LAMA2: variants seen among roughly 807,000 people sequenced by gnomAD.
The protein encoded by LAMA2 is laminin subunit alpha 2, also known as laminin subunit alpha-2.
LAMA2 carries 269 observed loss-of-function variants against 364.8 expected under a neutral mutation model. The observed-to-expected ratio is 0.74, with a 90% CI of 0.67 to 0.82. The LOEUF (loss-of-function observed/expected upper bound fraction) is 0.82. LAMA2 is among the 40% of genes least tolerant of loss of function. The pLI, the probability that LAMA2 is intolerant of heterozygous loss-of-function variation, is 0.00. For synonymous variants in LAMA2, 1,379 were observed against 1,370.6 expected (o/e 1.01, Z -0.14); for missense variants, 3,807 against 3,873.2 (o/e 0.98, Z 0.45).
chr6:129,157,830 T>G, intron 8 of LAMA2: 2 of 1,613,866 alleles, frequency 1.2e-6, no homozygotes, highest in Middle Eastern at 1.7e-4. Flanking sequence ...GCCGAAGCTG[T>G]AGATATCAGC....
chr6:129,435,468 A>C (rs923328665), intron 41 of LAMA2, among the ~76,000 whole-genome samples: 1 of 152,186 alleles, frequency 6.6e-6, no homozygotes. Flanking sequence ...AGAAAGATGA[A>C]TTGTGATTGA....
intron 1 of LAMA2, among the ~76,000 whole-genome samples, chr6:128,934,130 C>T (rs376060378): frequency 1.3e-5 from 2 of 152,192 alleles, no homozygotes; most frequent in Non-Finnish European, 2.9e-5. Context: ...ATAAGATAAA[C>T]ATCCAAAATC....
chr6:128,914,645 A>AC (rs1394862580), intron 1 of LAMA2, among the ~76,000 whole-genome samples: 1 of 152,154 alleles, frequency 6.6e-6, no homozygotes, highest in Non-Finnish European at 1.5e-5. Flanking sequence ...CCTATAGATA[A>AC]CAAAGACAGC....
intron 31 of LAMA2, 152 bp from the exon 32 acceptor site, chr6:129,353,012 A>C (rs1776939871): frequency 1.4e-5 from 8 of 564,536 alleles, no homozygotes; most frequent in Non-Finnish European, 2.2e-5. Flanking sequence ...TGCAAAGCCT[A>C]CTGTTTACTA....
At chr6:129,121,181 T>C (rs1776784861) in intron 4 of LAMA2, among the ~76,000 whole-genome samples, 1 of 152,156 alleles carries the variant, frequency 6.6e-6, no homozygotes, top group Admixed American at 6.6e-5. Context: ...TCAGAAATAA[T>C]TATTTGCAGG....
At chr6:129,045,756 G>T (rs7738171) in intron 1 of LAMA2, among the ~76,000 whole-genome samples, 9 of 152,036 alleles carry the variant, frequency 5.9e-5, no homozygotes, top group African/African-American at 1.7e-4. Context: ...CTTTATCCCT[G>T]GTCTCTTTTC....
At chr6:129,193,488 C>T (rs1290461330) in intron 12 of LAMA2, among the ~76,000 whole-genome samples, 4 of 152,130 alleles carry the variant, frequency 2.6e-5, no homozygotes, top group Non-Finnish European at 5.9e-5. Context: ...GAAATACAGG[C>T]TTATTTTTTT....
chr6:128,948,293 CT>C (rs1780603909), intron 1 of LAMA2, among the ~76,000 whole-genome samples: 1 of 152,134 alleles, frequency 6.6e-6, no homozygotes, highest in Non-Finnish European at 1.5e-5. Flanking sequence ...TATAGGAATA[CT>C]AATTTCTCCC....
intron 1 of LAMA2, among the ~76,000 whole-genome samples, chr6:128,993,007 A>G (rs1006041321): frequency 2.0e-5 from 3 of 152,216 alleles, no homozygotes; most frequent in East Asian, 1.9e-4. Context: ...TTGGGCTATT[A>G]TATGCCAGAC....
intron 32 of LAMA2, among the ~76,000 whole-genome samples, chr6:129,353,628 T>C (rs1347934579): frequency 1.3e-5 from 2 of 152,154 alleles, no homozygotes; most frequent in Non-Finnish European, 2.9e-5. Flanking sequence ...GGAGGCATTT[T>C]ATTTGATTTG....
At position 129,516,331 on chromosome 6, in the gene LAMA2, CATGCCCAGCCAACTAATAAAAAT is replaced by C. The variant is rs1787076379; in HGVS notation, c.9355_*8del. On this transcript the variant is annotated stop_lost and 3_prime_UTR_variant, in exon 65 of 65. Transcript: ENST00000421865. Reference sequence around the variant, plus strand: ...GAACTGAGGGGCGTTCAACCTGTATCATGCCCAGCCAACTAATAAAAATAAGTGTAACCCCAGGAAGAGTCTGT... The same window carrying C: ...GAACTGAGGGGCGTTCAACCTGTATCAAGTGTAACCCCAGGAAGAGTCTGT... The C allele has an allele frequency of 2.5e-6, 4 of 1,614,048 alleles. No individual in the cohort carries two copies. The African/African-American group carries it at 5.3e-5, about 22-fold the overall frequency.
At position 129,503,240 on chromosome 6, in the gene LAMA2, C is replaced by T; in HGVS notation, c.8507C>T (p.Thr2836Ile). The T allele has an allele frequency of 1.2e-6, 2 of 1,614,070 alleles. No individual in the cohort carries two copies. The highest frequency in any genetic ancestry group is 1.7e-6 in the Non-Finnish European group (2 of 1,179,998). The change falls in exon 60 of 65, where the codon ACC becomes ATC. Residue 2836 changes from threonine to isoleucine, a missense_variant. This residue lies in a region of LAMA2 where 3,333 missense variants were observed against 3,345.7 expected (regional missense o/e 1.00). Coordinates refer to ENST00000421865, the MANE Select transcript of LAMA2 (RefSeq NM_000426.4). ...SYDLGSGDTH[T>I]MIPTKINDGQ... ...GACTTGGGGAGTGGGGACACCCACA[C>T]CATGATCCCCACCAAAATCAATGAT... is the stretch of plus-strand genomic sequence containing the variant.
At chr6:129,088,762 C>T (rs188068964) in intron 3 of LAMA2, among the ~76,000 whole-genome samples, 98 of 152,052 alleles carry the variant, frequency 6.4e-4, no homozygotes, top group African/African-American at 2.2e-3. Flanking sequence ...ACGCAGCGGC[C>T]GGGCAGAGAC....
chr6:129,396,892 C>T (rs969660177), intron 37 of LAMA2, among the ~76,000 whole-genome samples: 1 of 151,038 alleles, frequency 6.6e-6, no homozygotes, highest in African/African-American at 2.4e-5. Context: ...GGGAGGATTG[C>T]TTGAGCCCAG....
Position 129,059,875 on chromosome 6 carries a change from A to G in LAMA2, c.375A>G (p.Thr125=), listed in dbSNP as rs553711868. 3 of 1,578,666 alleles carry G rather than the reference A, an allele frequency of 1.9e-6. No individual in the cohort carries two copies. The highest frequency in any genetic ancestry group is 1.1e-5 in the South Asian group (1 of 90,408). The change falls in exon 3 of 65, where the codon ACA becomes ACG. Residue 125 remains threonine (T), a synonymous_variant. Coordinates refer to ENST00000421865, the MANE Select transcript of LAMA2 (RefSeq NM_000426.4). ...ATGGAATCGAATACCATTATGTGAC[A>G]ATTACCCTGGATTTACAGCAGGTAT... ...IKNGIEYHYV[T]ITLDLQQVFQ...
chr6:129,498,304 G>T (rs1785351580), intron 58 of LAMA2, among the ~76,000 whole-genome samples: 1 of 152,226 alleles, frequency 6.6e-6, no homozygotes, highest in Non-Finnish European at 1.5e-5. Context: ...ATAGAGGAAA[G>T]GAAAGCGATT....
intron 40 of LAMA2, among the ~76,000 whole-genome samples, chr6:129,412,145 T>C (rs1013316704): frequency 2.3e-4 from 35 of 152,258 alleles, no homozygotes; most frequent in African/African-American, 8.2e-4. Flanking sequence ...TACACAGATA[T>C]ATTATATATT....
chr6:129,508,244 T>G (rs1255001182), intron 62 of LAMA2, among the ~76,000 whole-genome samples: 2 of 150,410 alleles, frequency 1.3e-5, no homozygotes, highest in Non-Finnish European at 3.0e-5. Flanking sequence ...TTTTAATTTT[T>G]GTGGGTACAC....
chr6:129,038,097 C>T (rs1786793057), intron 1 of LAMA2, among the ~76,000 whole-genome samples: 2 of 152,202 alleles, frequency 1.3e-5, no homozygotes, highest in South Asian at 4.2e-4. Context: ...ATAAAGAGCA[C>T]ATTAAAAAAT....
Sources: allele counts gnomAD v4.1 joint callset (sites outside exome capture counted in the v4.1 genomes callset), GRCh38; gene constraint gnomAD v4.1.1; regional missense constraint gnomAD v4.1.1; transcripts MANE v1.5; gene names NCBI Gene and HGNC (gene_info 2026-07-23, HGNC 2026-07-21).